DPP10: variants seen among roughly 807,000 people sequenced by gnomAD.
The protein encoded by DPP10 is inactive dipeptidyl peptidase 10.
Under a neutral mutation model 120.9 loss-of-function variants are expected in DPP10, and 33 were observed. The observed-to-expected ratio is 0.27, with a 90% CI of 0.21 to 0.37. DPP10 has a LOEUF of 0.37. DPP10 is among the 10% of genes least tolerant of loss of function. DPP10 has a pLI of 1.00. For synonymous variants in DPP10, 337 were observed against 326.1 expected (o/e 1.03, Z -0.36); for missense variants, 816 against 942.8 (o/e 0.87, Z 1.76).
At chr2:115,380,586 C>G (rs1353461958) in intron 3 of DPP10, among the ~76,000 whole-genome samples, 1 of 151,480 alleles carries the variant, frequency 6.6e-6, no homozygotes, top group African/African-American at 2.4e-5. Flanking sequence ...TGAATTTGAT[C>G]CTGTCATTAT....
chr2:114,994,201 A>G (rs891267367), intron 1 of DPP10, among the ~76,000 whole-genome samples: 2 of 152,172 alleles, frequency 1.3e-5, no homozygotes, highest in Non-Finnish European at 2.9e-5. Context: ...TATAAAATAG[A>G]AAAGAGCTTT....
rs779598196 is a variant in DPP10 at position 115,233,970 on chromosome 2, C to G, written c.61-75269C>G. 3 of 517,310 alleles carry G rather than the reference C, an allele frequency of 5.8e-6. No homozygotes were observed. The East Asian group carries it at 1.6e-4, about 28-fold the overall frequency. 32.0% of individuals were successfully genotyped at this position (517,310 alleles called of 1,614,324 possible). A position where few individuals can be genotyped will look rare whatever the true frequency, so the allele number is the denominator to read the frequency against. ...GTTCTAGAACTAAGAGATAAATCAGCCTTCAAAACAGTAGGAAGTTAAATG... is the reference window on the plus strand; with the variant it reads ...GTTCTAGAACTAAGAGATAAATCAGGCTTCAAAACAGTAGGAAGTTAAATG... On this transcript the variant is annotated intron_variant, in intron 1 of 25. Coordinates refer to ENST00000410059, the MANE Select transcript of DPP10 (RefSeq NM_020868.6).
At chr2:115,774,473 T>G (rs766338955) in intron 13 of DPP10, among the ~76,000 whole-genome samples, 1 of 152,098 alleles carries the variant, frequency 6.6e-6, no homozygotes, top group Non-Finnish European at 1.5e-5. Flanking sequence ...ATCCACTGAG[T>G]TATTTGCCTG....
chr2:114,958,636 C>T (rs561186071), intron 1 of DPP10, among the ~76,000 whole-genome samples: 3 of 151,922 alleles, frequency 2.0e-5, no homozygotes, highest in Admixed American at 6.6e-5. Context: ...ATATTGTACC[C>T]CCAAAATATT....
rs192882435 is a variant in DPP10 at position 115,691,539 on chromosome 2, G to A, written c.576+1618G>A. On this transcript the variant is annotated intron_variant, in intron 7 of 25. Transcript: ENST00000410059. ...TGTACATATCCATGAGTCTTCTTCC[G>A]GCTCTTTTTTTCTTCCAGGTGGTTT... Among the ~76,000 whole-genome samples the A allele has an allele frequency of 2.0e-3, 302 of 152,024 alleles. 1 individual carries two copies. The highest frequency in any genetic ancestry group is 3.3e-3 in the Non-Finnish European group (224 of 67,950).
intron 1 of DPP10, among the ~76,000 whole-genome samples, chr2:114,718,167 T>C (rs995416640): frequency 1.3e-5 from 2 of 152,184 alleles, no homozygotes; most frequent in East Asian, 3.9e-4. Context: ...CTATAATAGC[T>C]ATCATTACCT....
chr2:115,766,338 G>GTA (rs71394167), intron 12 of DPP10, among the ~76,000 whole-genome samples: 38 of 84,872 alleles, frequency 4.5e-4, no homozygotes, highest in East Asian at 2.3e-3. Context: ...ATATATATAT[G>GTA]TATATATATA....
chr2:115,731,233 C>G (rs889723376), intron 8 of DPP10, among the ~76,000 whole-genome samples: 6 of 152,106 alleles, frequency 3.9e-5, no homozygotes, highest in Non-Finnish European at 7.3e-5. Flanking sequence ...TGGTGCGTAC[C>G]TGTAATCCCA....
intron 1 of DPP10, among the ~76,000 whole-genome samples, chr2:114,577,076 G>T (rs1690114845): frequency 6.6e-6 from 1 of 152,150 alleles, no homozygotes; most frequent in African/African-American, 2.4e-5. Flanking sequence ...AGAGAACAAC[G>T]AATCATGATT....
At chr2:115,325,799 T>C (rs2062326773) in intron 2 of DPP10, among the ~76,000 whole-genome samples, 1 of 152,184 alleles carries the variant, frequency 6.6e-6, no homozygotes, top group Non-Finnish European at 1.5e-5. Flanking sequence ...CAGAGGAAGA[T>C]GGCAGAATTC....
At position 114,670,686 on chromosome 2, in the gene DPP10, T is replaced by G. The variant is rs374071440; in HGVS notation, c.60+227848T>G. 1.5e-4 allele frequency among the ~76,000 whole-genome samples: 23 copies of G among 152,168 alleles called. No homozygotes were observed. The South Asian group carries it at 1.7e-3, about 11-fold the overall frequency. ...CCTAAAACTTAAAGTATAATAATAA[T>G]AAGAAAAATTATTTTTATCTAATCA... On this transcript the variant is annotated intron_variant, in intron 1 of 25. Coordinates refer to ENST00000410059, the MANE Select transcript of DPP10 (RefSeq NM_020868.6).
intron 3 of DPP10, among the ~76,000 whole-genome samples, chr2:115,488,627 A>G (rs1300567241): frequency 1.3e-5 from 1 of 77,266 alleles, no homozygotes; most frequent in African/African-American, 4.9e-5. Flanking sequence ...AACTATCGCA[A>G]GAACAAAAAA....
intron 5 of DPP10, among the ~76,000 whole-genome samples, chr2:115,558,432 A>G (rs536244849): frequency 6.6e-6 from 1 of 152,258 alleles, no homozygotes; most frequent in East Asian, 1.9e-4. Flanking sequence ...CAGAGACTTT[A>G]AAACTTCAGG....
At chr2:114,587,849 T>C (rs1303898636) in intron 1 of DPP10, among the ~76,000 whole-genome samples, 7 of 152,208 alleles carry the variant, frequency 4.6e-5, no homozygotes, top group Non-Finnish European at 8.8e-5. Context: ...GGTATTGTCT[T>C]TAGGAGAATG....
At chr2:115,205,389 A>G (rs924135752) in intron 1 of DPP10, among the ~76,000 whole-genome samples, 15 of 152,084 alleles carry the variant, frequency 9.9e-5, no homozygotes, top group African/African-American at 3.1e-4. Context: ...TTTGTCAAAG[A>G]TCAGATGGTT....
intron 1 of DPP10, among the ~76,000 whole-genome samples, chr2:114,477,903 A>ATATGTACATATATGTGTATC: frequency 6.6e-6 from 1 of 150,764 alleles, no homozygotes. Flanking sequence ...ATATGTGTAT[A>ATATGTACATATATGTGTATC]TATGTACATA....
chr2:115,574,045 T>G (rs1269925572), intron 5 of DPP10, among the ~76,000 whole-genome samples: 4 of 152,252 alleles, frequency 2.6e-5, no homozygotes, highest in South Asian at 4.1e-4. Context: ...TGGGTTGTTG[T>G]AAATTAATTC....
chr2:115,522,658 A>G (rs563409827), intron 4 of DPP10, among the ~76,000 whole-genome samples: 7 of 152,188 alleles, frequency 4.6e-5, no homozygotes, highest in Non-Finnish European at 8.8e-5. Flanking sequence ...GGCAGGATTC[A>G]TGCATTTTTA....
At chr2:114,811,911 C>T (rs769178529) in intron 1 of DPP10, among the ~76,000 whole-genome samples, 10 of 152,308 alleles carry the variant, frequency 6.6e-5, no homozygotes, top group Non-Finnish European at 1.3e-4. Flanking sequence ...AGAACAAAAG[C>T]TCTCAATAGG....
Sources: allele counts gnomAD v4.1 joint callset (sites outside exome capture counted in the v4.1 genomes callset), GRCh38; gene constraint gnomAD v4.1.1; transcripts MANE v1.5; gene names NCBI Gene and HGNC (gene_info 2026-07-23, HGNC 2026-07-21).